Variants in RUVBL2 observed in about 807,000 individuals in gnomAD.
RUVBL2 encodes the protein RuvB like AAA ATPase 2.
A neutral mutation model predicts 57.9 loss-of-function variants in RUVBL2; 9 were observed. The ratio of observed to expected loss-of-function variants is 0.16; its 90% CI spans 0.09 to 0.27. RUVBL2 has a LOEUF of 0.27. Ranked by LOEUF, RUVBL2 falls within the 10% of genes least tolerant of loss-of-function variation. The pLI, the probability that RUVBL2 is intolerant of heterozygous loss-of-function variation, is 1.00. For missense variants in RUVBL2, 456 were observed against 669.6 expected, an observed-to-expected ratio of 0.68 and a Z score of 3.52; for synonymous variants, 278 against 264.6, an observed-to-expected ratio of 1.05 and a Z score of -0.49.
At position 49,004,322 on chromosome 19, in the gene RUVBL2, G is replaced by A. The variant is rs773653109; in HGVS notation, c.169G>A (p.Gly57Ser). ...VGQLAARRAAGVVLEMIREGK... is the reference protein window; with the variant it reads ...VGQLAARRAASVVLEMIREGK... ...TCAGCTGGCGGCACGGCGGGCGGCT[G>A]GCGTGGTGCTGGAGATGATCCGGGA... is the stretch of plus-strand genomic sequence containing the variant. Residue 57 changes from glycine (G) to serine (S), a missense_variant, in exon 4 of 15, where the codon GGC becomes AGC. Around this residue, in one of 5 missense-constraint regions of RUVBL2, gnomAD observed 233 missense variants for 306.0 expected, o/e 0.76. Coordinates refer to ENST00000595090, the MANE Select transcript of RUVBL2 (RefSeq NM_006666.3). 1 of 1,610,650 alleles carries A rather than the reference G, an allele frequency of 6.2e-7. No individual in the cohort carries two copies. The highest frequency in any genetic ancestry group is 1.3e-5 in the African/African-American group (1 of 74,952).
chr19:49,012,484 A>G (rs1018408380), intron 11 of RUVBL2, among the ~76,000 whole-genome samples: 1 of 152,220 alleles, frequency 6.6e-6, no homozygotes, highest in Non-Finnish European at 1.5e-5. Context: ...ACTGCAGGTC[A>G]GGGCCTGGGG....
At chr19:49,006,051 C>T (rs941827848) in intron 4 of RUVBL2, among the ~76,000 whole-genome samples, 1 of 152,254 alleles carries the variant, frequency 6.6e-6, no homozygotes, top group African/African-American at 2.4e-5. Context: ...AGGCTAGCCT[C>T]GCCCTGGCGG....
At chr19:48,999,514 CCTAT>C in intron 2 of RUVBL2, 141 bp downstream of exon 2, 1 of 818,564 alleles carries the variant, frequency 1.2e-6, no homozygotes. Context: ...CCCCACTCGC[CCTAT>C]CTAATGGGGG....
chr19:48,996,472 C>T lies in RUVBL2; in HGVS notation c.12+2549C>T, dbSNP rs571430916. Among the ~76,000 whole-genome samples, 4 of 149,858 alleles carry T rather than the reference C, an allele frequency of 2.7e-5. No homozygotes were observed. The South Asian group carries it at 6.4e-4, about 24-fold the overall frequency. ...TCCTGAGTAGCTGGGACTACAGGTG[C>T]GCGTCACCACGCCCAGCTAATTTTT... On this transcript the variant is annotated intron_variant, in intron 1 of 14. Transcript: ENST00000595090.
chr19:49,007,139 T>G lies in RUVBL2; in HGVS notation c.387T>G (p.Val129=), dbSNP rs1409863458. The change falls in exon 5 of 15, where the codon GTT becomes GTG. Residue 129 remains valine (V), a synonymous_variant. Coordinates refer to ENST00000595090, the MANE Select transcript of RUVBL2 (RefSeq NM_006666.3). ...LTQAFRRSIG[V]RIKEETEIIE... ...AGGCCTTCCGGCGGTCCATCGGCGT[T>G]CGCATCAAGTAAGCGGGGGACCCGA... The G allele has an allele frequency of 6.2e-7, 1 of 1,613,212 alleles. No homozygotes were observed. Among genetic ancestry groups the G allele is most frequent in the Non-Finnish European group, 8.5e-7 (1 of 1,180,008 alleles).
chr19:49,003,330 G>C lies in RUVBL2; in HGVS notation c.119G>C (p.Arg40Pro). Residue 40 changes from arginine to proline, a missense_variant, in exon 3 of 15, where the codon CGG (arginine) becomes CCG (proline). Physicochemically the swap from Arg to Pro is moderately radical, Grantham distance 103 (BLOSUM62 -2). Coordinates refer to ENST00000595090, the MANE Select transcript of RUVBL2 (RefSeq NM_006666.3). ...GGGCTGGACGATGCCTTGGAGCCTC[G>C]GCAGGTAGAGCAGAGGAGGCTGGGG... ...GLGLDDALEP[R>P]QASQGMVGQL... 1.9e-6 allele frequency: 3 copies of C among 1,613,860 alleles called. No individual in the cohort carries two copies. The highest frequency in any genetic ancestry group is 2.5e-6 in the Non-Finnish European group (3 of 1,179,956).
intron 1 of RUVBL2, among the ~76,000 whole-genome samples, chr19:48,998,276 G>C (rs1423750031): frequency 1.3e-5 from 2 of 152,198 alleles, no homozygotes; most frequent in Admixed American, 6.5e-5. Flanking sequence ...GCAAGGCCTG[G>C]TGGTTGAGAA....
intron 1 of RUVBL2, among the ~76,000 whole-genome samples, chr19:48,998,996 C>T (rs2039121861): frequency 6.6e-6 from 1 of 151,650 alleles, no homozygotes; most frequent in African/African-American, 2.4e-5. Flanking sequence ...CACTGCACTC[C>T]AGCCTGGGTG....
At chr19:48,997,375 A>G (rs1422402479) in intron 1 of RUVBL2, among the ~76,000 whole-genome samples, 2 of 152,094 alleles carry the variant, frequency 1.3e-5, no homozygotes, top group South Asian at 2.1e-4. Context: ...TATAACCCCA[A>G]CGCTTTGGGG....
Position 49,015,808 on chromosome 19 carries a change from TCC to T in RUVBL2, c.1367-6_1367-5del. 6.2e-7 allele frequency: 1 copy of T among 1,614,016 alleles called. No individual in the cohort carries two copies. The highest frequency in any genetic ancestry group is 8.5e-7 in the Non-Finnish European group (1 of 1,179,972). On this transcript the variant is annotated splice_region_variant and splice_polypyrimidine_tract_variant and intron_variant, in intron 14 of 14. Transcript: ENST00000595090. ...GACACTGACCATGTGGCCTTCCTTC[TCC>T]CCACAGAAGGCGAGACCATGGACAC...
Position 49,009,988 on chromosome 19 carries a change from C to G in RUVBL2, c.585C>G (p.Ile195Met). Reference sequence around the variant, plus strand: ...CCCCCTGTAGGGACGTGATCACCATCGACAAGGCGACGGGCAAGATCTCCA... The same window carrying G: ...CCCCCTGTAGGGACGTGATCACCATGGACAAGGCGACGGGCAAGATCTCCA... The part of the protein sequence containing the change: ...DKVQAGDVIT[I>M]DKATGKISKL... Residue 195 changes from isoleucine (I) to methionine (M), a missense_variant, in exon 8 of 15, where the codon ATC becomes ATG. Ile to Met is a conservative substitution (Grantham distance 10). Transcript: ENST00000595090. 3 of 1,592,240 alleles carry G rather than the reference C, an allele frequency of 1.9e-6. No homozygotes were observed. The highest frequency in any genetic ancestry group is 2.6e-6 in the Non-Finnish European group (3 of 1,166,834).
At chr19:49,001,099 T>C (rs1029630531) in intron 2 of RUVBL2, among the ~76,000 whole-genome samples, 6 of 150,714 alleles carry the variant, frequency 4.0e-5, no homozygotes, top group African/African-American at 1.5e-4. Flanking sequence ...GAGATGTGAC[T>C]GCACCATGCA....
chr19:48,993,879 T>TTTCCGC, upstream of RUVBL2: 1 of 1,614,016 alleles, frequency 6.2e-7, no homozygotes, highest in Non-Finnish European at 8.5e-7. Flanking sequence ...CGCGTTTCCG[T>TTTCCGC]TTCCGCTAGG....
chr19:48,994,914 C>CTT (rs922678438), intron 1 of RUVBL2: 1 of 151,670 alleles, frequency 6.6e-6, no homozygotes, highest in African/African-American at 2.4e-5. Flanking sequence ...AAGCGAGACT[C>CTT]TGTCTCCAAA....
At chr19:49,012,884 C>CACACACACACACACACA (rs1555803381) in intron 11 of RUVBL2, among the ~76,000 whole-genome samples, 1 of 149,124 alleles carries the variant, frequency 6.7e-6, no homozygotes, top group African/African-American at 2.5e-5. Flanking sequence ...CACACACACA[C>CACACACACACACACACA]CACCCCTGGG....
chr19:49,007,857 T>C (rs777036996), intron 6 of RUVBL2, among the ~76,000 whole-genome samples: 3 of 151,932 alleles, frequency 2.0e-5, no homozygotes, highest in Non-Finnish European at 4.4e-5. Context: ...GGTGTGTGCA[T>C]GCCACCACGC....
rs773636523 is a variant in RUVBL2 at position 49,015,292 on chromosome 19, A to G, written c.1251+142A>G. On this transcript the variant is annotated intron_variant, in intron 13 of 14. Transcript: ENST00000595090. ...TTTCATCCCTCAGGTTGGCTTCTGT[A>G]TCATCCAGCCTGGCCTATAGTAGGT... 5.0e-6 allele frequency: 6 copies of G among 1,196,590 alleles called. No individual in the cohort carries two copies. In the African/African-American group the frequency reaches 6.1e-5, roughly 12 times the overall value. The allele number at this position is 1,196,590 out of a possible 1,614,324, so 74.1% of individuals were successfully genotyped here.
At chr19:49,002,826 C>G (rs2039210424) in intron 2 of RUVBL2, among the ~76,000 whole-genome samples, 1 of 152,166 alleles carries the variant, frequency 6.6e-6, no homozygotes, top group South Asian at 2.1e-4. Context: ...CTCCAGTGAT[C>G]CGCCCGCCTC....
In RUVBL2 at chr19:49,010,600, C is replaced by T. The variant is rs753987841; in HGVS notation, c.776C>T (p.Ala259Val). The T allele has an allele frequency of 1.2e-5, 20 of 1,613,698 alleles. No individual in the cohort carries two copies. The highest frequency in any genetic ancestry group is 3.3e-5 in the Admixed American group (2 of 59,976). Residue 259 changes from alanine (A) to valine (V), a missense_variant, in exon 9 of 15, where the codon GCG becomes GTG. This residue lies in a region of RUVBL2 where 130 missense variants were observed against 243.0 expected (regional missense o/e 0.53). Coordinates refer to ENST00000595090, the MANE Select transcript of RUVBL2 (RefSeq NM_006666.3). ...VINSRTQGFLALFSGDTGEIK... is the reference protein window; with the variant it reads ...VINSRTQGFLVLFSGDTGEIK... ...AACTCTCGCACCCAGGGCTTCCTGG[C>T]GCTCTTCTCAGGTGAGGCCCCTCCT... is the stretch of plus-strand genomic sequence containing the variant.
Sources: gnomAD v4.1 joint callset for allele counts (sites outside exome capture counted in the v4.1 genomes callset) on GRCh38, gnomAD v4.1.1 for gene constraint, gnomAD v4.1.1 regional missense constraint, MANE v1.5 for transcripts, NCBI Gene and HGNC (gene_info 2026-07-23, HGNC 2026-07-21) for gene names.